SH3RF3: variants seen among roughly 807,000 people sequenced by gnomAD.
SH3RF3 encodes E3 ubiquitin-protein ligase SH3RF3.
Under a neutral mutation model 66.3 loss-of-function variants are expected in SH3RF3, and 29 were observed. The observed-to-expected ratio is 0.44, with a 90% CI of 0.33 to 0.60. The LOEUF (loss-of-function observed/expected upper bound fraction) is 0.60. Among genes scored for constraint, SH3RF3 ranks in the 20% least tolerant of loss-of-function variants. SH3RF3 has a pLI of 0.04. For missense variants in SH3RF3, 1,194 were observed against 1,190.9 expected (o/e 1.00, Z -0.04); for synonymous variants, 583 against 532.0 (o/e 1.10, Z -1.32).
chr2:109,356,509 G>T (rs940473975), intron 2 of SH3RF3, among the ~76,000 whole-genome samples: 2 of 152,216 alleles, frequency 1.3e-5, no homozygotes, highest in South Asian at 4.1e-4. Context: ...GGGTTTTCAT[G>T]TGCTTTCTCA....
intron 1 of SH3RF3, among the ~76,000 whole-genome samples, chr2:109,324,171 T>G (rs1346103379): frequency 6.6e-6 from 1 of 152,232 alleles, no homozygotes; most frequent in Non-Finnish European, 1.5e-5. Context: ...TAATAATCCA[T>G]TGTGTGGCTA....
At chr2:109,163,390 CTTTTTTTTTT>C (rs70956302) in intron 1 of SH3RF3, among the ~76,000 whole-genome samples, 10 of 70,268 alleles carry the variant, frequency 1.4e-4, no homozygotes, top group East Asian at 5.1e-4. Context: ...AGCAAATATT[CTTTTTTTTTT>C]TTTTTTTTTT....
At chr2:109,154,113 C>T (rs1052422384) in intron 1 of SH3RF3, among the ~76,000 whole-genome samples, 1 of 152,082 alleles carries the variant, frequency 6.6e-6, no homozygotes, top group Non-Finnish European at 1.5e-5. Context: ...ACTTTTATCT[C>T]GTGTGTTTAA....
At chr2:109,495,770 C>T (rs900433551) in intron 9 of SH3RF3, among the ~76,000 whole-genome samples, 1 of 152,082 alleles carries the variant, frequency 6.6e-6, no homozygotes, top group Non-Finnish European at 1.5e-5. Context: ...GGGCGTGAGG[C>T]GTGAGCCACT....
chr2:109,194,861 A>G (rs886716378), intron 1 of SH3RF3, among the ~76,000 whole-genome samples: 2 of 152,176 alleles, frequency 1.3e-5, no homozygotes, highest in Non-Finnish European at 2.9e-5. Flanking sequence ...GAGAACCCTT[A>G]GCTTGCTACA....
At chr2:109,207,191 A>G (rs1678860970) in intron 1 of SH3RF3, among the ~76,000 whole-genome samples, 1 of 152,236 alleles carries the variant, frequency 6.6e-6, no homozygotes, top group East Asian at 1.9e-4. Flanking sequence ...CTATGCTCTC[A>G]TCTTGTGCAA....
chr2:109,208,320 C>G (rs776675356), intron 1 of SH3RF3, among the ~76,000 whole-genome samples: 1 of 152,210 alleles, frequency 6.6e-6, no homozygotes, highest in Non-Finnish European at 1.5e-5. Context: ...TCCCTTAAAC[C>G]TGGGCTCCAT....
At chr2:109,238,577 G>T (rs1344547799) in intron 1 of SH3RF3, among the ~76,000 whole-genome samples, 2 of 151,804 alleles carry the variant, frequency 1.3e-5, no homozygotes, top group Admixed American at 1.3e-4. Context: ...GGAAACTTTG[G>T]AGGGGACATT....
intron 5 of SH3RF3, among the ~76,000 whole-genome samples, chr2:109,424,090 T>C (rs576113243): frequency 1.2e-4 from 18 of 152,270 alleles, no homozygotes; most frequent in African/African-American, 4.3e-4. Context: ...TTGTCTAGGC[T>C]GGGTTTCCTG....
intron 1 of SH3RF3, among the ~76,000 whole-genome samples, chr2:109,188,538 G>A (rs1254550019): frequency 1.3e-5 from 2 of 152,222 alleles, no homozygotes; most frequent in African/African-American, 4.8e-5. Flanking sequence ...TCAGAGAAGC[G>A]GCATCCCCCG....
chr2:109,357,421 T>G (rs1486079645), intron 2 of SH3RF3, among the ~76,000 whole-genome samples: 1 of 152,212 alleles, frequency 6.6e-6, no homozygotes, highest in African/African-American at 2.4e-5. Flanking sequence ...GACCTCGTGA[T>G]CCACCCACCT....
chr2:109,203,089 G>C (rs1476074506), intron 1 of SH3RF3, among the ~76,000 whole-genome samples: 3 of 152,178 alleles, frequency 2.0e-5, no homozygotes, highest in Non-Finnish European at 4.4e-5. Context: ...GTCGAGCCTG[G>C]AACACTGGTG....
chr2:109,349,383 CG>C (rs1222145106), intron 2 of SH3RF3, among the ~76,000 whole-genome samples: 1 of 152,192 alleles, frequency 6.6e-6, no homozygotes, highest in Non-Finnish European at 1.5e-5. Context: ...CACAGCTTCC[CG>C]GGAAACTGCA....
At chr2:109,394,057 C>CCCCA (rs1404003149) in intron 3 of SH3RF3, among the ~76,000 whole-genome samples, 1 of 152,130 alleles carries the variant, frequency 6.6e-6, no homozygotes, top group Non-Finnish European at 1.5e-5. Context: ...TTCAACCCAG[C>CCCCA]CCCACCCTCG....
intron 2 of SH3RF3, among the ~76,000 whole-genome samples, chr2:109,369,959 G>C (rs1683229718): frequency 3.3e-5 from 5 of 152,218 alleles, no homozygotes; most frequent in Admixed American, 3.3e-4. Context: ...GCTCTGAGGG[G>C]CTTCTCCATG....
At chr2:109,381,153 C>T (rs1360802353) in intron 3 of SH3RF3, among the ~76,000 whole-genome samples, 2 of 152,216 alleles carry the variant, frequency 1.3e-5, no homozygotes, top group African/African-American at 2.4e-5. Context: ...TGAGTCATCT[C>T]CTGAAGAGAC....
intron 1 of SH3RF3, among the ~76,000 whole-genome samples, chr2:109,167,232 A>AT (rs1448421181): frequency 1.3e-5 from 2 of 152,220 alleles, no homozygotes; most frequent in African/African-American, 4.8e-5. Context: ...GAAAAGTGGC[A>AT]TTTTTAGACC....
In SH3RF3 at chr2:109,444,681, T is replaced by C. The variant is rs527945307; in HGVS notation, c.1829-4489T>C. Among the ~76,000 whole-genome samples, 6 of 152,254 alleles carry C rather than the reference T, an allele frequency of 3.9e-5. No homozygotes were observed. The South Asian group carries it at 1.2e-3, about 32-fold the overall frequency. ...AGAACTCCAAGAAGCCCATTAAACC[T>C]AGTTCTAAGGGAGGGTCCTAGAGGC... On this transcript the variant is annotated intron_variant, in intron 7 of 9. Coordinates refer to ENST00000309415, the MANE Select transcript of SH3RF3 (RefSeq NM_001099289.3).
chr2:109,354,579 A>T (rs528682260), intron 2 of SH3RF3, among the ~76,000 whole-genome samples: 97 of 152,346 alleles, frequency 6.4e-4, no homozygotes, highest in Non-Finnish European at 9.7e-4. Flanking sequence ...GTTTTCAGTG[A>T]TCGTGGCATT....
Sources: gnomAD v4.1 joint callset for allele counts (sites outside exome capture counted in the v4.1 genomes callset) on GRCh38, gnomAD v4.1.1 for gene constraint, MANE v1.5 for transcripts, NCBI Gene and HGNC (gene_info 2026-07-23, HGNC 2026-07-21) for gene names.